The following ANKRD33B variants were observed in gnomAD, a reference collection of about 807,000 sequenced individuals.
The protein encoded by ANKRD33B is ankyrin repeat domain 33B, also known as ankyrin repeat domain-containing protein 33B.
In ANKRD33B, 6 loss-of-function variants were observed where a neutral mutation model predicts 21.5. That is an observed-to-expected ratio of 0.28 (90% CI 0.15 to 0.55). The LOEUF (loss-of-function observed/expected upper bound fraction) is 0.55, where lower values mean the gene tolerates loss of function less well. Among genes scored for constraint, ANKRD33B ranks in the 20% least tolerant of loss-of-function variants. The probability of loss-of-function intolerance (pLI) is 0.94; values close to 1 mark genes in which losing one functional copy is unlikely to be tolerated. For missense variants in ANKRD33B, 698 were observed against 747.2 expected (o/e 0.93, Z 0.77); for synonymous variants, 347 against 342.4 (o/e 1.01, Z -0.15).
chr5:10,581,034 G>A (rs1560962929), intron 1 of ANKRD33B, among the ~76,000 whole-genome samples: 2 of 152,172 alleles, frequency 1.3e-5, no homozygotes, highest in Non-Finnish European at 2.9e-5. Context: ...GCCTTGGGGT[G>A]GGCTGGTTCT....
Position 10,618,360 on chromosome 5 carries a change from G to A in ANKRD33B, c.394G>A (p.Gly132Ser), listed in dbSNP as rs1736335940. ...CGGCCTTATTGTCGCCTGCTACCACGGCTTTGTGGATACCGTGGTGGCCTT... is the reference window on the plus strand; with the variant it reads ...CGGCCTTATTGTCGCCTGCTACCACAGCTTTGTGGATACCGTGGTGGCCTT... Reference protein sequence around the residue: ...RTGLIVACYHGFVDTVVALAE... With the variant: ...RTGLIVACYHSFVDTVVALAE... The change falls in exon 2 of 4, where the codon GGC (glycine) becomes AGC (serine). Residue 132 changes from glycine (G) to serine (S), a missense_variant. This residue lies in a region of ANKRD33B where 543 missense variants were observed against 566.5 expected (regional missense o/e 0.96). Coordinates refer to ENST00000296657, the MANE Select transcript of ANKRD33B (RefSeq NM_001164440.2). The A allele has an allele frequency of 4.6e-6, 7 of 1,537,702 alleles. No homozygotes were observed. Among genetic ancestry groups the A allele is most frequent in the Non-Finnish European group, 6.1e-6 (7 of 1,147,060 alleles).
chr5:10,643,880 C>T (rs1343106519), intron 3 of ANKRD33B, among the ~76,000 whole-genome samples: 1 of 150,998 alleles, frequency 6.6e-6, no homozygotes, highest in Non-Finnish European at 1.5e-5. Flanking sequence ...TTGAGCTGCC[C>T]TCTTAAGCTT....
chr5:10,593,586 C>G lies in ANKRD33B; in HGVS notation c.367-24747C>G, dbSNP rs368142946. On this transcript the variant is annotated intron_variant, in intron 1 of 3. Coordinates refer to ENST00000296657, the MANE Select transcript of ANKRD33B (RefSeq NM_001164440.2). ...CCACCCTGGGTCAACCTCCTGTTCA[C>G]CATGACTCCAGCCCAACTCCTCCAA... Among the ~76,000 whole-genome samples the G allele has an allele frequency of 1.7e-4, 26 of 151,900 alleles. No homozygotes were observed. The South Asian group carries it at 5.2e-3, about 30-fold the overall frequency.
rs1560989962 is a variant in ANKRD33B, at chr5:10,649,722, CG to C, written c.1098del (p.Gln367SerfsTer209). On this transcript the variant is annotated frameshift_variant, in exon 4 of 4. Coordinates refer to ENST00000296657, the MANE Select transcript of ANKRD33B (RefSeq NM_001164440.2). LOFTEE classifies it low-confidence loss of function (END_TRUNC). The stretch of plus-strand genomic sequence containing the variant: ...CAGGAGGAGGATGAGGTGGGGGGCG[CG>C]GGGCAGCGCGGGCGGACCGGACAGG... ...QAQEEDEVGG[A>X]GQRGRTGQED... 2.7e-6 allele frequency: 4 copies of C among 1,493,508 alleles called. No homozygotes were observed. Among genetic ancestry groups the C allele is most frequent in the Admixed American group, 2.1e-5 (1 of 46,836 alleles). 92.5% of individuals were successfully genotyped at this position (1,493,508 alleles called of 1,614,324 possible).
At chr5:10,641,648 A>G (rs1217395019) in intron 3 of ANKRD33B, among the ~76,000 whole-genome samples, 1 of 151,970 alleles carries the variant, frequency 6.6e-6, no homozygotes, top group African/African-American at 2.4e-5. Flanking sequence ...TTTTCTCGAG[A>G]TCAATCTGGA....
At chr5:10,648,235 C>T (rs1014086208) in intron 3 of ANKRD33B, among the ~76,000 whole-genome samples, 2 of 152,340 alleles carry the variant, frequency 1.3e-5, no homozygotes, top group East Asian at 1.9e-4. Context: ...CAGACCCCAG[C>T]CAGCTAGGCC....
In ANKRD33B at chr5:10,653,553, T is replaced by A. The variant is rs976040167; in HGVS notation, c.*3440T>A. On this transcript the variant is annotated 3_prime_UTR_variant, in exon 4 of 4. Coordinates refer to ENST00000296657, the MANE Select transcript of ANKRD33B (RefSeq NM_001164440.2). ...CATTATTCTGTTCGTTTCTTTTGGG[T>A]AAGGAATTCCTCATGGGAGGTGTGG... is the stretch of plus-strand genomic sequence containing the variant. 1 of 152,314 alleles carries A rather than the reference T, an allele frequency of 6.6e-6. No homozygotes were observed. The highest frequency in any genetic ancestry group is 2.4e-5 in the African/African-American group (1 of 41,400). 9.4% of individuals were successfully genotyped at this position (152,314 alleles called of 1,614,324 possible). A position where few individuals can be genotyped will look rare whatever the true frequency, so the allele number is the denominator to read the frequency against.
chr5:10,631,676 G>A (rs1488328670), intron 2 of ANKRD33B, among the ~76,000 whole-genome samples: 3 of 152,318 alleles, frequency 2.0e-5, no homozygotes, highest in East Asian at 3.9e-4. Context: ...ATTGAATATC[G>A]ATGAGAGGAG....
Position 10,650,137 on chromosome 5 carries a change from G to T in ANKRD33B, c.*24G>T, listed in dbSNP as rs935006205. On this transcript the variant is annotated 3_prime_UTR_variant, in exon 4 of 4. Transcript: ENST00000296657. ...GAGGGCCCGTGTGCCTGGCGCTGGG[G>T]CCGGGGCTGGGGCCGGGGCGGGGCC... is the stretch of plus-strand genomic sequence containing the variant. 6.9e-7 allele frequency: 1 copy of T among 1,453,018 alleles called. No individual in the cohort carries two copies. The highest frequency in any genetic ancestry group is 9.0e-7 in the Non-Finnish European group (1 of 1,107,410). The allele number at this position is 1,453,018 out of a possible 1,614,324, so 90.0% of individuals were successfully genotyped here. A position where few individuals can be genotyped will look rare whatever the true frequency, so the allele number is the denominator to read the frequency against.
intron 1 of ANKRD33B, among the ~76,000 whole-genome samples, chr5:10,587,229 G>A (rs2126557566): frequency 1.3e-5 from 2 of 151,972 alleles, no homozygotes; most frequent in Middle Eastern, 3.4e-3. Flanking sequence ...TGGCCAGGTT[G>A]ATCTCGAACT....
At position 10,564,071 on chromosome 5, in the gene ANKRD33B, G is replaced by A. The variant is rs942350223; in HGVS notation, c.-397G>A. On this transcript the variant is annotated 5_prime_UTR_variant, in exon 1 of 4. It adds an upstream start codon to the 5' untranslated region. Coordinates refer to ENST00000296657, the MANE Select transcript of ANKRD33B (RefSeq NM_001164440.2). The stretch of plus-strand genomic sequence containing the variant: ...CCGCGACTCGGGTTCGGCTTCTTTA[G>A]TGATTGCTTCTGCTTCTCCCGCGCC... Among the ~76,000 whole-genome samples, 6 of 152,084 alleles carry A rather than the reference G, an allele frequency of 3.9e-5. No homozygotes were observed. The highest frequency in any genetic ancestry group is 9.7e-5 in the African/African-American group (4 of 41,440).
chr5:10,650,909 C>G lies in ANKRD33B; in HGVS notation c.*796C>G, dbSNP rs1737338605. 1 of 152,234 alleles carries G rather than the reference C, an allele frequency of 6.6e-6. No homozygotes were observed. Among genetic ancestry groups the G allele is most frequent in the Admixed American group, 6.5e-5 (1 of 15,286 alleles). 9.4% of individuals were successfully genotyped at this position (152,234 alleles called of 1,614,324 possible). A position where few individuals can be genotyped will look rare whatever the true frequency, so the allele number is the denominator to read the frequency against. ...GTTTTAGGTAAACTGGATACGAAATCTTTAACATTAAAAATAGATATGAGA... is the reference window on the plus strand; with the variant it reads ...GTTTTAGGTAAACTGGATACGAAATGTTTAACATTAAAAATAGATATGAGA... On this transcript the variant is annotated 3_prime_UTR_variant, in exon 4 of 4. Coordinates refer to ENST00000296657, the MANE Select transcript of ANKRD33B (RefSeq NM_001164440.2).
chr5:10,653,451 G>T lies in ANKRD33B; in HGVS notation c.*3338G>T. ...CCAGGGAGGGAAGCCCAGATGATGG[G>T]GAAACAGAGCCACCTTGAGGGGGTG... is the stretch of plus-strand genomic sequence containing the variant. On this transcript the variant is annotated 3_prime_UTR_variant, in exon 4 of 4. Coordinates refer to ENST00000296657, the MANE Select transcript of ANKRD33B (RefSeq NM_001164440.2). 6.5e-6 allele frequency: 1 copy of T among 152,968 alleles called. No homozygotes were observed. 9.5% of individuals were successfully genotyped at this position (152,968 alleles called of 1,614,324 possible).
chr5:10,637,779 G>T (rs549152620), intron 2 of ANKRD33B, among the ~76,000 whole-genome samples: 2 of 151,970 alleles, frequency 1.3e-5, no homozygotes, highest in Non-Finnish European at 2.9e-5. Flanking sequence ...CTCCTCCCTC[G>T]AGTGCTTTGC....
At chr5:10,640,275 T>C (rs1271193717) in intron 3 of ANKRD33B, among the ~76,000 whole-genome samples, 2 of 152,208 alleles carry the variant, frequency 1.3e-5, no homozygotes, top group African/African-American at 4.8e-5. Context: ...GCTATCAACC[T>C]GGATCAACCC....
At chr5:10,629,667 G>A (rs1212101774) in intron 2 of ANKRD33B, among the ~76,000 whole-genome samples, 2 of 152,204 alleles carry the variant, frequency 1.3e-5, no homozygotes, top group African/African-American at 4.8e-5. Flanking sequence ...GGATCCACAG[G>A]AGTGTATAGG....
intron 1 of ANKRD33B, among the ~76,000 whole-genome samples, chr5:10,565,049 G>C (rs758625734): frequency 6.6e-6 from 1 of 152,212 alleles, no homozygotes; most frequent in Non-Finnish European, 1.5e-5. Context: ...GGGAGCAGTC[G>C]AGGTGTCAGC....
chr5:10,640,643 T>C (rs1737027414), intron 3 of ANKRD33B, among the ~76,000 whole-genome samples: 1 of 152,270 alleles, frequency 6.6e-6, no homozygotes, highest in Non-Finnish European at 1.5e-5. Context: ...AATTCTGTTA[T>C]TTTAATTTCT....
intron 2 of ANKRD33B, among the ~76,000 whole-genome samples, chr5:10,618,880 C>T (rs1736349811): frequency 2.0e-5 from 3 of 152,042 alleles, no homozygotes; most frequent in Non-Finnish European, 4.4e-5. Flanking sequence ...TGCACTTCAC[C>T]TGTAGAGTTA....
Sources: allele counts gnomAD v4.1 joint callset (sites outside exome capture counted in the v4.1 genomes callset), GRCh38; gene constraint gnomAD v4.1.1; regional missense constraint gnomAD v4.1.1; transcripts MANE v1.5; gene names NCBI Gene and HGNC (gene_info 2026-07-23, HGNC 2026-07-21).